CLEC2B: variants seen among roughly 807,000 people sequenced by gnomAD.
CLEC2B encodes the protein C-type (calcium dependent, carbohydrate-recognition domain) lectin, superfamily member 2 (activation-induced).
A neutral mutation model predicts 16.2 loss-of-function variants in CLEC2B; 14 were observed. The ratio of observed to expected loss-of-function variants is 0.86; its 90% confidence interval spans 0.57 to 1.35. CLEC2B has a LOEUF of 1.35. Among genes scored for constraint, CLEC2B ranks in the 40% most tolerant of loss-of-function variants. The probability of loss-of-function intolerance (pLI) is 0.00; values close to 1 mark genes in which losing one functional copy is unlikely to be tolerated. For synonymous variants in CLEC2B, 42 were observed against 55.8 expected (o/e 0.75, Z 1.10); for missense variants, 166 against 182.3 (o/e 0.91, Z 0.52).
intron 1 of CLEC2B, among the ~76,000 whole-genome samples, chr12:9,867,653 T>A (rs1424452979): frequency 6.6e-6 from 1 of 152,160 alleles, no homozygotes; most frequent in African/African-American, 2.4e-5. Context: ...TATCGAAACA[T>A]GAATTTCAAA....
intron 1 of CLEC2B, chr12:9,867,063 G>A (rs1209591637): frequency 6.6e-6 from 1 of 152,180 alleles, no homozygotes; most frequent in African/African-American, 2.4e-5. Flanking sequence ...AAGAAACAGT[G>A]TGGCTTTTGT....
chr12:9,861,022 T>C (rs1377507321), intron 2 of CLEC2B, among the ~76,000 whole-genome samples: 1 of 151,992 alleles, frequency 6.6e-6, no homozygotes, highest in African/African-American at 2.4e-5. Context: ...TTTTTATGTC[T>C]TTGAAGTAAA....
At chr12:9,857,336 C>G (rs757381598) in intron 3 of CLEC2B, 138 bp downstream of exon 3, 1 of 650,918 alleles carries the variant, frequency 1.5e-6, no homozygotes, top group African/African-American at 1.8e-5. Flanking sequence ...CTTTATGTCA[C>G]ATGGCATACT....
intron 4 of CLEC2B, 37 bp downstream of exon 4, chr12:9,854,344 T>C (rs1309904953): frequency 7.1e-7 from 1 of 1,406,792 alleles, no homozygotes; most frequent in Admixed American, 1.7e-5. Flanking sequence ...GGCTGCACTA[T>C]CTAAATTTAA....
At chr12:9,859,101 T>C (rs751850796) in intron 2 of CLEC2B, among the ~76,000 whole-genome samples, 2 of 151,988 alleles carry the variant, frequency 1.3e-5, no homozygotes, top group African/African-American at 2.4e-5. Flanking sequence ...TCCAAACTTA[T>C]GGGATTCAAC....
intron 1 of CLEC2B, among the ~76,000 whole-genome samples, chr12:9,863,928 T>G (rs1867951359): frequency 6.6e-6 from 1 of 151,918 alleles, no homozygotes; most frequent in African/African-American, 2.4e-5. Flanking sequence ...GAGAAAGAGA[T>G]AAAGATTCAG....
At chr12:9,866,704 T>C (rs1867972448) in intron 1 of CLEC2B, among the ~76,000 whole-genome samples, 1 of 152,168 alleles carries the variant, frequency 6.6e-6, no homozygotes, top group Non-Finnish European at 1.5e-5. Context: ...ACCATTTTGA[T>C]ATTCTTTCTT....
At chr12:9,854,101 A>C (rs1867874116) in intron 4 of CLEC2B, among the ~76,000 whole-genome samples, 1 of 152,216 alleles carries the variant, frequency 6.6e-6, no homozygotes, top group African/African-American at 2.4e-5. Context: ...AGGATAGTTT[A>C]TAATCAGAGA....
intron 1 of CLEC2B, among the ~76,000 whole-genome samples, 153 bp from the exon 2 acceptor site, chr12:9,862,726 G>A (rs1867941952): frequency 6.6e-6 from 1 of 151,666 alleles, no homozygotes; most frequent in Admixed American, 6.6e-5. Flanking sequence ...AATATGAGAA[G>A]AAGACAATTC....
intron 1 of CLEC2B, among the ~76,000 whole-genome samples, chr12:9,868,774 C>A (rs1867991307): frequency 6.6e-6 from 1 of 152,080 alleles, no homozygotes; most frequent in South Asian, 2.1e-4. Flanking sequence ...GGGATATATT[C>A]TTTCCGTTAA....
At chr12:9,854,300 AGAGAAAT>A (rs1867876293) in intron 4 of CLEC2B, 74 bp downstream of exon 4, 2 of 856,356 alleles carry the variant, frequency 2.3e-6, no homozygotes, top group Non-Finnish European at 3.7e-6. Context: ...CTTGGGCTCT[AGAGAAAT>A]TTAGCTAAAG....
Position 9,853,308 on chromosome 12 carries a change from T to C in CLEC2B, c.442A>G (p.Ile148Val). ...TERKWICRKR[I>V]H ...TTATCTTAGACATTAACTTAGTGTATTCTTTTCCTGCAAATCCATTTTCTT... is the reference window on the plus strand; with the variant it reads ...TTATCTTAGACATTAACTTAGTGTACTCTTTTCCTGCAAATCCATTTTCTT... Residue 148 changes from isoleucine (I) to valine (V), a missense_variant, in exon 5 of 5, where the codon ATA becomes GTA. Transcript: ENST00000228438. 1 of 1,607,852 alleles carries C rather than the reference T, an allele frequency of 6.2e-7. No homozygotes were observed. Among genetic ancestry groups the C allele is most frequent in the Non-Finnish European group, 8.5e-7 (1 of 1,174,388 alleles).
In CLEC2B at chr12:9,856,526, G is replaced by C. The variant is rs939060905; in HGVS notation, c.237+948C>G. The stretch of plus-strand genomic sequence containing the variant: ...TTTCCTTTCACTGACCTATAAATTG[G>C]CTCTGCCTGATTCACATGCATTTAA... On this transcript the variant is annotated intron_variant, in intron 3 of 4. Coordinates refer to ENST00000228438, the MANE Select transcript of CLEC2B (RefSeq NM_005127.3). 1.2e-4 allele frequency among the ~76,000 whole-genome samples: 18 copies of C among 151,838 alleles called. No homozygotes were observed. In the East Asian group the frequency reaches 2.9e-3, roughly 24 times the overall value.
chr12:9,855,590 G>C (rs568668080), intron 3 of CLEC2B, among the ~76,000 whole-genome samples: 1 of 151,858 alleles, frequency 6.6e-6, no homozygotes, highest in Admixed American at 6.6e-5. Context: ...AGAATATTCC[G>C]TGTAAATGCA....
rs889002673 is a variant in CLEC2B at position 9,861,034 on chromosome 12, T to C, written c.73+1465A>G. 2.0e-5 allele frequency among the ~76,000 whole-genome samples: 3 copies of C among 151,982 alleles called. No individual in the cohort carries two copies. In the East Asian group the frequency reaches 5.8e-4, roughly 29 times the overall value. On this transcript the variant is annotated intron_variant, in intron 2 of 4. Coordinates refer to ENST00000228438, the MANE Select transcript of CLEC2B (RefSeq NM_005127.3). ...ATATTTTTATGTCTTTGAAGTAAAG[T>C]GAATTTCTTAGAATGAAAAATATAG...
At chr12:9,859,796 A>T (rs1410129231) in intron 2 of CLEC2B, among the ~76,000 whole-genome samples, 1 of 151,812 alleles carries the variant, frequency 6.6e-6, no homozygotes, top group Admixed American at 6.6e-5. Context: ...ATATATGTGC[A>T]TATATCTTAA....
At chr12:9,865,293 G>A (rs544461182) in intron 1 of CLEC2B, among the ~76,000 whole-genome samples, 1 of 151,334 alleles carries the variant, frequency 6.6e-6, no homozygotes, top group Admixed American at 6.6e-5. Flanking sequence ...GACACACAGA[G>A]AATGAAAGTG....
At position 9,862,593 on chromosome 12, in the gene CLEC2B, A is replaced by G; in HGVS notation, c.-2-20T>C. ...TCATACCTGAAAAATAAAAATAAAG[A>G]CATTTAGGAGACTTCTGGCTCCAAA... On this transcript the variant is annotated intron_variant, in intron 1 of 4. Coordinates refer to ENST00000228438, the MANE Select transcript of CLEC2B (RefSeq NM_005127.3). The G allele has an allele frequency of 1.4e-6, 2 of 1,434,240 alleles. No homozygotes were observed. Among genetic ancestry groups the G allele is most frequent in the Non-Finnish European group, 1.8e-6 (2 of 1,081,428 alleles). The allele number at this position is 1,434,240 out of a possible 1,614,324, so 88.8% of individuals were successfully genotyped here.
intron 1 of CLEC2B, among the ~76,000 whole-genome samples, chr12:9,863,799 T>C (rs1404715035): frequency 1.3e-5 from 2 of 152,034 alleles, no homozygotes; most frequent in Non-Finnish European, 2.9e-5. Flanking sequence ...CAACATCTTG[T>C]AGAAAATTAC....
Sources: gnomAD v4.1 joint callset for allele counts (sites outside exome capture counted in the v4.1 genomes callset) on GRCh38, gnomAD v4.1.1 for gene constraint, MANE v1.5 for transcripts, NCBI Gene and HGNC (gene_info 2026-07-23, HGNC 2026-07-21) for gene names.